SPIN2A: variants seen among roughly 807,000 people sequenced by gnomAD.
The protein encoded by SPIN2A is spindlin family member 2A.
SPIN2A carries 4 observed loss-of-function variants against 9.2 expected under a neutral mutation model. The ratio of observed to expected loss-of-function variants is 0.44; its 90% CI spans 0.21 to 1.00. SPIN2A has a LOEUF of 1.00. Ranked by LOEUF, SPIN2A falls within the 50% of genes least tolerant of loss-of-function variation. The probability of loss-of-function intolerance (pLI) is 0.26; values close to 1 mark genes in which losing one functional copy is unlikely to be tolerated. For missense variants in SPIN2A, 77 were observed against 172.8 expected, an observed-to-expected ratio of 0.45 and a Z score of 3.11; for synonymous variants, 25 against 61.2, an observed-to-expected ratio of 0.41 and a Z score of 2.76.
intron 1 of SPIN2A, chrX:57,137,053 A>G: frequency 1.2e-6 from 1 of 810,934 alleles, no homozygotes; most frequent in East Asian, 1.1e-4. Context: ...CTCACCTTCA[A>G]ATCCTTGTCT....
At chrX:57,136,968 C>T in intron 1 of SPIN2A, 1 of 884,700 alleles carries the variant, frequency 1.1e-6, no homozygotes, top group Non-Finnish European at 1.4e-6. Context: ...GCCCTGAGTG[C>T]CTCTGGTGCT....
At chrX:57,135,598 T>A, downstream of SPIN2A, 1 of 720,231 alleles carries the variant, frequency 1.4e-6, no homozygotes. Flanking sequence ...ATGCCCCATC[T>A]ACCAAACACA....
the SPIN2A span, among the ~76,000 whole-genome samples, chrX:57,143,372 A>T: frequency 9.0e-6 from 1 of 111,080 alleles, no homozygotes; most frequent in Non-Finnish European, 1.9e-5. Flanking sequence ...GTGGAGAAAA[A>T]AAGAGAAAAC....
rs751299803 is a variant in SPIN2A, at chrX:57,135,874, T to C, written c.724A>G (p.Lys242Glu). ...VETKPSVYFI[K>E]FDDDFHIYVY... is the part of the protein sequence containing the mutation. Reference sequence around the variant, plus strand: ...TAGATATGGAAATCATCATCAAACTTGATGAAATACACAGAGGGTTTGGTT... The same window carrying C: ...TAGATATGGAAATCATCATCAAACTCGATGAAATACACAGAGGGTTTGGTT... Residue 242 changes from lysine (K) to glutamate (E), a missense_variant, in exon 2 of 2, where the codon AAG becomes GAG. Physicochemically the swap from Lys to Glu is moderately conservative, Grantham distance 56. This residue lies in a region of SPIN2A where 36 missense variants were observed against 47.6 expected (regional missense o/e 0.76). Coordinates refer to ENST00000374906, the MANE Select transcript of SPIN2A (RefSeq NM_019003.5). The C allele has an allele frequency of 2.0e-5, 24 of 1,208,220 alleles. No individual in the cohort carries two copies. The highest frequency in any genetic ancestry group is 8.7e-5 in the Admixed American group (4 of 45,716).
At chrX:57,142,140 C>G (rs1254726062), upstream of SPIN2A, among the ~76,000 whole-genome samples, 1 of 111,951 alleles carries the variant, frequency 8.9e-6, no homozygotes, top group Non-Finnish European at 1.9e-5. Context: ...TTTCCTTCTA[C>G]TAACTCAAGG....
chrX:57,140,598 CAAAAAA>C (rs56693403), upstream of SPIN2A, among the ~76,000 whole-genome samples: 1 of 58,831 alleles, frequency 1.7e-5, no homozygotes, highest in African/African-American at 5.1e-5. Flanking sequence ...GACCCCGTCT[CAAAAAA>C]AAAAAAAAAA....
chrX:57,137,023 A>T, intron 1 of SPIN2A: 1 of 821,894 alleles, frequency 1.2e-6, no homozygotes, highest in Non-Finnish European at 1.5e-6. Flanking sequence ...CCTGTTACCT[A>T]CCTCCCTTGC....
rs369731430 is a variant in SPIN2A at position 57,135,890 on chromosome X, G to A, written c.708C>T (p.Pro236=). 7.5e-6 allele frequency: 9 copies of A among 1,207,548 alleles called. No homozygotes were observed. The African/African-American group carries it at 1.4e-4, about 19-fold the overall frequency. The change falls in exon 2 of 2, where the codon CCC becomes CCT. Residue 236 remains proline (P), a synonymous_variant. Transcript: ENST00000374906. Reference sequence around the variant, plus strand: ...CATCAAACTTGATGAAATACACAGAGGGTTTGGTTTCCACTTGGTGAATGA... The same window carrying A: ...CATCAAACTTGATGAAATACACAGAAGGTTTGGTTTCCACTTGGTGAATGA... ...GMVIHQVETK[P]SVYFIKFDDD...
upstream of SPIN2A, among the ~76,000 whole-genome samples, chrX:57,139,976 A>G (rs1477591214): frequency 8.9e-6 from 1 of 112,008 alleles, no homozygotes; most frequent in Non-Finnish European, 1.9e-5. Flanking sequence ...AACAATATTA[A>G]TTAGTCCAAC....
At chrX:57,142,607 G>A in the SPIN2A span, among the ~76,000 whole-genome samples, 2 of 111,900 alleles carry the variant, frequency 1.8e-5, 1 homozygote, top group African/African-American at 6.5e-5. Flanking sequence ...TTTTGTAAGT[G>A]TGTAAGAGGT....
upstream of SPIN2A, among the ~76,000 whole-genome samples, chrX:57,138,218 G>C (rs1927893226): frequency 1.8e-5 from 2 of 111,004 alleles, no homozygotes; most frequent in South Asian, 3.8e-4. Flanking sequence ...GTGTTTTTTT[G>C]TGAGTTACAG....
downstream of SPIN2A, chrX:57,135,591 C>A: frequency 3.2e-6 from 2 of 626,769 alleles, no homozygotes; most frequent in Non-Finnish European, 4.7e-6. Context: ...TCCTTCCATG[C>A]CCCATCTACC....
chrX:57,137,488 G>C (rs755496102), upstream of SPIN2A: 2 of 253,793 alleles, frequency 7.9e-6, no homozygotes, highest in African/African-American at 5.9e-5. Flanking sequence ...GCTGCCACCA[G>C]TCCCTGATGC....
Position 57,135,820 on chromosome X carries a change from G to T in SPIN2A, c.*1C>A, listed in dbSNP as rs1355426000. The T allele has an allele frequency of 3.4e-6, 4 of 1,164,068 alleles. No individual in the cohort carries two copies. The highest frequency in any genetic ancestry group is 3.4e-6 in the Non-Finnish European group (3 of 877,141). On this transcript the variant is annotated 3_prime_UTR_variant, in exon 2 of 2. Coordinates refer to ENST00000374906, the MANE Select transcript of SPIN2A (RefSeq NM_019003.5). The stretch of plus-strand genomic sequence containing the variant: ...ACATGTGCCAAATTTTACCCTAACA[G>T]TTAGGACTTTTTCACCAAATCGTAG...
the SPIN2A span, among the ~76,000 whole-genome samples, chrX:57,142,916 A>G: frequency 2.7e-5 from 3 of 111,709 alleles, no homozygotes; most frequent in Non-Finnish European, 5.6e-5. Flanking sequence ...TGATATAAGT[A>G]TAGTTATTCC....
At chrX:57,138,863 T>C (rs1297826438), upstream of SPIN2A, among the ~76,000 whole-genome samples, 1 of 112,307 alleles carries the variant, frequency 8.9e-6, no homozygotes, top group East Asian at 2.8e-4. Flanking sequence ...GCGTCTTAGT[T>C]TGAGAAATGT....
At chrX:57,137,409 T>C (rs1235273326), upstream of SPIN2A, 12 of 730,810 alleles carry the variant, frequency 1.6e-5, no homozygotes, top group East Asian at 1.5e-4. Flanking sequence ...ACTGCAGCGG[T>C]GTCCCCAGCG....
At chrX:57,145,370 G>A in the SPIN2A span, among the ~76,000 whole-genome samples, 3 of 110,552 alleles carry the variant, frequency 2.7e-5, no homozygotes, top group African/African-American at 9.9e-5. Context: ...TGAGAATTGT[G>A]TATTTATGTC....
downstream of SPIN2A, chrX:57,135,610 C>A (rs1373252212): frequency 3.6e-6 from 3 of 843,359 alleles, no homozygotes; most frequent in African/African-American, 4.2e-5. Flanking sequence ...CCAAACACAC[C>A]CGAACTTTTC....
Sources: gnomAD v4.1 joint callset for allele counts (sites outside exome capture counted in the v4.1 genomes callset) on GRCh38, gnomAD v4.1.1 for gene constraint, gnomAD v4.1.1 regional missense constraint, MANE v1.5 for transcripts, NCBI Gene and HGNC (gene_info 2026-07-23, HGNC 2026-07-21) for gene names.